Variants in FGFR2 observed in about 807,000 individuals in gnomAD.
The protein encoded by FGFR2 is fibroblast growth factor receptor 2, also known as BEK fibroblast growth factor receptor.
In FGFR2, 19 loss-of-function variants were observed where a neutral mutation model predicts 95.9. The ratio of observed to expected loss-of-function variants is 0.20; its 90% CI spans 0.14 to 0.29. The LOEUF (loss-of-function observed/expected upper bound fraction) is 0.29, where lower values mean the gene tolerates loss of function less well. FGFR2 is among the 10% of genes least tolerant of loss of function. FGFR2 has a pLI of 1.00. For missense variants in FGFR2, 707 were observed against 1,056.9 expected (o/e 0.67, Z 4.59); for synonymous variants, 392 against 393.3 (o/e 1.00, Z 0.04).
intron 9 of FGFR2, among the ~76,000 whole-genome samples, chr10:121,512,883 T>C (rs539602444): frequency 7.9e-5 from 12 of 152,290 alleles, no homozygotes; most frequent in Non-Finnish European, 1.6e-4. Context: ...TCTCTTTTTT[T>C]TTAAAGACGG....
At chr10:121,508,721 T>C (rs376928602) in intron 9 of FGFR2, among the ~76,000 whole-genome samples, 319 of 152,348 alleles carry the variant, frequency 2.1e-3, no homozygotes, top group Non-Finnish European at 3.2e-3. Flanking sequence ...TCAGATTAAA[T>C]GTACAAACCT....
At chr10:121,595,523 T>C (rs1408179220) in intron 1 of FGFR2, among the ~76,000 whole-genome samples, 1 of 152,234 alleles carries the variant, frequency 6.6e-6, no homozygotes, top group Non-Finnish European at 1.5e-5. Context: ...GGTGTGTGCA[T>C]GTGCTTTCAG....
intron 15 of FGFR2, 54 bp downstream of exon 15, chr10:121,487,300 A>G (rs1845547851): frequency 7.3e-7 from 1 of 1,365,242 alleles, no homozygotes; most frequent in East Asian, 2.3e-5. Context: ...AAGTACGTAC[A>G]GTATTTTTGC....
chr10:121,503,569 C>A (rs1847879384), intron 10 of FGFR2, among the ~76,000 whole-genome samples: 1 of 152,078 alleles, frequency 6.6e-6, no homozygotes, highest in African/African-American at 2.4e-5. Flanking sequence ...CTTTGGGGAC[C>A]AGCCAGGGGC....
intron 2 of FGFR2, among the ~76,000 whole-genome samples, chr10:121,592,855 C>T (rs572163235): frequency 3.9e-5 from 6 of 152,210 alleles, no homozygotes; most frequent in South Asian, 4.2e-4. Context: ...GTTTTATTCT[C>T]GGATTACCAC....
chr10:121,563,761 A>C (rs1857285149), intron 4 of FGFR2, among the ~76,000 whole-genome samples: 1 of 152,250 alleles, frequency 6.6e-6, no homozygotes, highest in Admixed American at 6.5e-5. Flanking sequence ...ATTCAAACCC[A>C]GGTTGCCCAG....
intron 16 of FGFR2, among the ~76,000 whole-genome samples, chr10:121,484,042 C>T (rs1454978828): frequency 6.6e-6 from 1 of 152,034 alleles, no homozygotes; most frequent in East Asian, 1.9e-4. Context: ...AAGAAAGACA[C>T]AGCTATGTGT....
chr10:121,501,783 C>T lies in FGFR2; in HGVS notation c.1440-836G>A, dbSNP rs145100416. Among the ~76,000 whole-genome samples the T allele has an allele frequency of 2.0e-5, 3 of 152,252 alleles. No individual in the cohort carries two copies. In the East Asian group the frequency reaches 5.8e-4, roughly 29 times the overall value. ...AGTGCAGCATAAAGACTAAGGGCAGCATGTGCTATGCTGAGGTCATTTTGT... is the reference window on the plus strand; with the variant it reads ...AGTGCAGCATAAAGACTAAGGGCAGTATGTGCTATGCTGAGGTCATTTTGT... On this transcript the variant is annotated intron_variant, in intron 10 of 17. Transcript: ENST00000358487.
intron 8 of FGFR2, among the ~76,000 whole-genome samples, chr10:121,515,596 T>C (rs985700927): frequency 2.0e-5 from 3 of 152,034 alleles, no homozygotes; most frequent in Admixed American, 2.0e-4. Flanking sequence ...AGGCCACATT[T>C]TGTTAGACAT....
chr10:121,532,579 A>G (rs902309529), intron 6 of FGFR2, among the ~76,000 whole-genome samples: 4 of 152,200 alleles, frequency 2.6e-5, no homozygotes, highest in Admixed American at 6.5e-5. Context: ...TTCACACTCC[A>G]GCTGTGGTTT....
At chr10:121,549,061 C>T (rs185781754) in intron 5 of FGFR2, among the ~76,000 whole-genome samples, 1 of 152,262 alleles carries the variant, frequency 6.6e-6, no homozygotes, top group East Asian at 1.9e-4. Context: ...CAACAGTACC[C>T]ACCTGCTAGC....
rs41295493 is a variant in FGFR2 at position 121,540,846 on chromosome 10, T to C, written c.625-2131A>G. Among the ~76,000 whole-genome samples, 713 of 152,312 alleles carry C rather than the reference T, an allele frequency of 4.7e-3. 6 individuals carry two copies. Among genetic ancestry groups the C allele is most frequent in the African/African-American group, 0.016 (647 of 41,562 alleles). On this transcript the variant is annotated intron_variant, in intron 5 of 17. Coordinates refer to ENST00000358487, the MANE Select transcript of FGFR2 (RefSeq NM_000141.5). ...CTCTGGACCCCATTCAAACTGTCAA[T>C]GTCTTTCTTGTGCCTGGATCCAGAT...
rs1029635273 is a variant in FGFR2, at chr10:121,564,566, G to C, written c.390C>G (p.Ser130=). The C allele has an allele frequency of 1.2e-6, 2 of 1,613,406 alleles. No homozygotes were observed. The highest frequency in any genetic ancestry group is 1.7e-5 in the Admixed American group (1 of 60,000). ...FMVNVTDAIS[S]GDDEDDTDGA... is the part of the protein sequence containing the mutation. ...CATCGGTGTCATCCTCATCATCTCC[G>C]GATGAGATGGCATCTGTATGCAAAA... is the stretch of plus-strand genomic sequence containing the variant. Residue 130 remains serine, a synonymous_variant, in exon 4 of 18, where the codon TCC becomes TCG. Transcript: ENST00000358487.
At chr10:121,516,697 A>C (rs1849743424) in intron 8 of FGFR2, among the ~76,000 whole-genome samples, 1 of 152,224 alleles carries the variant, frequency 6.6e-6, no homozygotes. Flanking sequence ...CAGGGCTGCA[A>C]TGATGTTTAT....
At chr10:121,579,736 A>G (rs996269622) in intron 2 of FGFR2, among the ~76,000 whole-genome samples, 4 of 152,200 alleles carry the variant, frequency 2.6e-5, no homozygotes, top group African/African-American at 9.6e-5. Flanking sequence ...GCCCCACAGC[A>G]TGCCGAGAAT....
intron 15 of FGFR2, among the ~76,000 whole-genome samples, chr10:121,486,742 C>A (rs550654418): frequency 1.3e-5 from 2 of 152,224 alleles, no homozygotes; most frequent in Non-Finnish European, 2.9e-5. Context: ...CTGCACACAG[C>A]CTTCAACTGA....
At chr10:121,533,013 C>T (rs1436693422) in intron 6 of FGFR2, among the ~76,000 whole-genome samples, 7 of 152,130 alleles carry the variant, frequency 4.6e-5, no homozygotes, top group Admixed American at 2.0e-4. Flanking sequence ...TCTGATGGGC[C>T]CCCAAACAAC....
Position 121,593,951 on chromosome 10 carries a change from C to T in FGFR2, c.-134G>A, listed in dbSNP as rs1393356763. On this transcript the variant is annotated 5_prime_UTR_variant, in exon 2 of 18. Coordinates refer to ENST00000358487, the MANE Select transcript of FGFR2 (RefSeq NM_000141.5). ...GTGGGCTCAGGAACCGAGGCGCTGC[C>T]GCTGCTGCTGCAGTCACTAAAGGAA... The T allele has an allele frequency of 1.0e-5, 8 of 792,290 alleles. No homozygotes were observed. Among genetic ancestry groups the T allele is most frequent in the Middle Eastern group, 2.2e-4 (1 of 4,494 alleles). The allele number at this position is 792,290 out of a possible 1,614,324, so 49.1% of individuals were successfully genotyped here.
At chr10:121,499,590 C>A (rs1457023160) in intron 11 of FGFR2, among the ~76,000 whole-genome samples, 2 of 152,246 alleles carry the variant, frequency 1.3e-5, no homozygotes, top group Non-Finnish European at 2.9e-5. Flanking sequence ...CTGGGCATCA[C>A]AAGAGAAAGA....
Sources: allele counts gnomAD v4.1 joint callset (sites outside exome capture counted in the v4.1 genomes callset), GRCh38; gene constraint gnomAD v4.1.1; transcripts MANE v1.5; gene names NCBI Gene and HGNC (gene_info 2026-07-23, HGNC 2026-07-21).